Variants in CAMK2D observed in about 807,000 individuals in gnomAD.
The protein encoded by CAMK2D is calcium/calmodulin dependent protein kinase II delta.
A neutral mutation model predicts 84.0 loss-of-function variants in CAMK2D; 37 were observed. The observed-to-expected ratio is 0.44, with a 90% CI of 0.34 to 0.58. CAMK2D has a LOEUF of 0.58. Among genes scored for constraint, CAMK2D ranks in the 20% least tolerant of loss-of-function variants. The pLI is 0.02. For missense variants in CAMK2D, 448 were observed against 652.5 expected, an observed-to-expected ratio of 0.69 and a Z score of 3.41; for synonymous variants, 202 against 212.5, an observed-to-expected ratio of 0.95 and a Z score of 0.43.
At chr4:113,496,964 T>C (rs920320082) in intron 16 of CAMK2D, among the ~76,000 whole-genome samples, 4 of 152,184 alleles carry the variant, frequency 2.6e-5, no homozygotes, top group Admixed American at 2.0e-4. Flanking sequence ...TGTAAAACAA[T>C]GCCAGTCCCT....
rs201105032 is a variant in CAMK2D, at chr4:113,760,779, C to G, written c.65+225G>C. The stretch of plus-strand genomic sequence containing the variant: ...GGGTGGGGGACCGGGAGAAGGTGGG[C>G]TAGGGACCATCAAAATGAGCCACAG... On this transcript the variant is annotated intron_variant, in intron 1 of 20. Transcript: ENST00000511664. Among the ~76,000 whole-genome samples, 37 of 152,174 alleles carry G rather than the reference C, an allele frequency of 2.4e-4. No homozygotes were observed. The East Asian group carries it at 6.4e-3, about 26-fold the overall frequency.
At chr4:113,601,700 T>C (rs2098953528) in intron 4 of CAMK2D, among the ~76,000 whole-genome samples, 3 of 142,454 alleles carry the variant, frequency 2.1e-5, no homozygotes, top group African/African-American at 7.9e-5. Context: ...TTTTTTTTTT[T>C]TTTTTTTTTT....
At chr4:113,563,742 C>T (rs1208489469) in intron 4 of CAMK2D, among the ~76,000 whole-genome samples, 3 of 152,200 alleles carry the variant, frequency 2.0e-5, no homozygotes, top group Non-Finnish European at 2.9e-5. Context: ...TGGAGACTAT[C>T]TATTTAGCCA....
rs530110986 is a variant in CAMK2D at position 113,478,843 on chromosome 4, T to C, written c.1136-13239A>G. Among the ~76,000 whole-genome samples the C allele has an allele frequency of 4.6e-5, 7 of 152,308 alleles. No individual in the cohort carries two copies. In the East Asian group the frequency reaches 1.3e-3, roughly 29 times the overall value. On this transcript the variant is annotated intron_variant, in intron 16 of 20. Transcript: ENST00000511664. ...GGAAAACATTTCCTAATTCAAATTG[T>C]ACAATTGTAAAAAAAATGACATTTG... is the stretch of plus-strand genomic sequence containing the variant.
intron 2 of CAMK2D, among the ~76,000 whole-genome samples, chr4:113,705,869 G>A (rs1020228636): frequency 3.9e-5 from 6 of 152,200 alleles, no homozygotes; most frequent in African/African-American, 1.4e-4. Context: ...ATCAGTCTCA[G>A]TGAAGCCTTC....
chr4:113,460,848 G>A (rs1254887165), intron 17 of CAMK2D, among the ~76,000 whole-genome samples: 1 of 151,908 alleles, frequency 6.6e-6, no homozygotes, highest in African/African-American at 2.4e-5. Context: ...ACCATGCTGG[G>A]TTAATTTTTA....
In CAMK2D at chr4:113,713,107, G is replaced by A. The variant is rs559745350; in HGVS notation, c.160+46213C>T. ...TTTTACTAAATAACTGTATATCACAGTTTATTTTAGGCATTACCCTACTGA... is the reference window on the plus strand; with the variant it reads ...TTTTACTAAATAACTGTATATCACAATTTATTTTAGGCATTACCCTACTGA... On this transcript the variant is annotated intron_variant, in intron 2 of 20. Transcript: ENST00000511664. 5.3e-5 allele frequency among the ~76,000 whole-genome samples: 8 copies of A among 151,914 alleles called. No individual in the cohort carries two copies. The East Asian group carries it at 1.4e-3, about 26-fold the overall frequency.
At chr4:113,525,324 T>C (rs1560713158) in intron 8 of CAMK2D, among the ~76,000 whole-genome samples, 1 of 152,210 alleles carries the variant, frequency 6.6e-6, no homozygotes, top group Non-Finnish European at 1.5e-5. Flanking sequence ...TGCATTTATT[T>C]ATTTATTTTT....
At chr4:113,618,915 A>T (rs1459944538) in intron 3 of CAMK2D, among the ~76,000 whole-genome samples, 1 of 152,222 alleles carries the variant, frequency 6.6e-6, no homozygotes, top group Non-Finnish European at 1.5e-5. Flanking sequence ...CAGTTAGTTC[A>T]GCCTAGGTCA....
At chr4:113,703,577 C>A (rs759045024) in intron 2 of CAMK2D, among the ~76,000 whole-genome samples, 1 of 152,186 alleles carries the variant, frequency 6.6e-6, no homozygotes, top group African/African-American at 2.4e-5. Context: ...CCAGCCTTGG[C>A]CTCCCAAAGT....
chr4:113,481,912 T>A (rs2097705943), intron 16 of CAMK2D, among the ~76,000 whole-genome samples: 1 of 152,190 alleles, frequency 6.6e-6, no homozygotes, highest in Non-Finnish European at 1.5e-5. Flanking sequence ...ATACCAGACA[T>A]GGAATAGTAA....
chr4:113,617,438 G>A (rs956172711), intron 3 of CAMK2D, among the ~76,000 whole-genome samples: 1 of 150,654 alleles, frequency 6.6e-6, no homozygotes, highest in African/African-American at 2.4e-5. Context: ...ACTCCAGACT[G>A]AGCAACAGAG....
At chr4:113,460,889 C>T (rs988945078) in intron 17 of CAMK2D, among the ~76,000 whole-genome samples, 4 of 151,886 alleles carry the variant, frequency 2.6e-5, no homozygotes, top group African/African-American at 9.7e-5. Flanking sequence ...ATGGGGTTTC[C>T]TTATGTTGCC....
intron 2 of CAMK2D, among the ~76,000 whole-genome samples, chr4:113,746,096 T>C (rs751216962): frequency 3.9e-5 from 6 of 152,232 alleles, no homozygotes; most frequent in Non-Finnish European, 8.8e-5. Flanking sequence ...TCATTTCTCA[T>C]GCCCTTTGCC....
At chr4:113,618,611 T>G (rs974728679) in intron 3 of CAMK2D, among the ~76,000 whole-genome samples, 1 of 152,216 alleles carries the variant, frequency 6.6e-6, no homozygotes, top group Non-Finnish European at 1.5e-5. Context: ...GTAGACATAT[T>G]GTACTATAAT....
At chr4:113,471,274 A>G (rs2097543567) in intron 16 of CAMK2D, among the ~76,000 whole-genome samples, 2 of 152,132 alleles carry the variant, frequency 1.3e-5, no homozygotes, top group Non-Finnish European at 2.9e-5. Flanking sequence ...TTCCCAGGAT[A>G]CATCCTTAGC....
intron 3 of CAMK2D, among the ~76,000 whole-genome samples, chr4:113,633,629 A>C (rs574921747): frequency 1.1e-4 from 17 of 152,296 alleles, no homozygotes; most frequent in African/African-American, 3.9e-4. Context: ...CAATAGGATA[A>C]ATAAAATAAT....
intron 4 of CAMK2D, among the ~76,000 whole-genome samples, chr4:113,576,406 T>C (rs975730086): frequency 1.3e-5 from 2 of 152,012 alleles, no homozygotes; most frequent in Non-Finnish European, 2.9e-5. Flanking sequence ...CAATGAAGAA[T>C]AGTATAAAAA....
At chr4:113,603,991 CTTTGT>C (rs1400239956) in intron 4 of CAMK2D, among the ~76,000 whole-genome samples, 2 of 151,176 alleles carry the variant, frequency 1.3e-5, no homozygotes, top group Non-Finnish European at 2.9e-5. Flanking sequence ...AACTCATGTT[CTTTGT>C]TTTGATTTTT....
Sources: allele counts gnomAD v4.1 joint callset (sites outside exome capture counted in the v4.1 genomes callset), GRCh38; gene constraint gnomAD v4.1.1; transcripts MANE v1.5; gene names NCBI Gene and HGNC (gene_info 2026-07-23, HGNC 2026-07-21).